The following TTC33 variants were observed in gnomAD, a reference collection of about 807,000 sequenced individuals.
TTC33 encodes the protein tetratricopeptide repeat protein 33.
Under a neutral mutation model 29.4 loss-of-function variants are expected in TTC33, and 24 were observed. That is an observed-to-expected ratio of 0.82 (90% confidence interval 0.59 to 1.15). The LOEUF (loss-of-function observed/expected upper bound fraction) is 1.15, where lower values mean the gene tolerates loss of function less well. TTC33 is among the 50% of genes most tolerant of loss of function. The pLI is 0.00. For missense variants in TTC33, 286 were observed against 310.4 expected (o/e 0.92, Z 0.59); for synonymous variants, 107 against 100.3 (o/e 1.07, Z -0.40).
At chr5:40,753,193 C>T (rs570061691) in intron 1 of TTC33, among the ~76,000 whole-genome samples, 11 of 151,800 alleles carry the variant, frequency 7.2e-5, no homozygotes, top group Admixed American at 2.6e-4. Flanking sequence ...GGTGAAACCC[C>T]GTCTCTACAA....
intron 2 of TTC33, among the ~76,000 whole-genome samples, chr5:40,735,624 G>A (rs1742532282): frequency 6.6e-6 from 1 of 152,158 alleles, no homozygotes; most frequent in Non-Finnish European, 1.5e-5. Flanking sequence ...TGTTAAGCTG[G>A]CAACAGCTCC....
intron 3 of TTC33, among the ~76,000 whole-genome samples, chr5:40,728,947 C>T (rs1394936039): frequency 1.3e-5 from 2 of 152,072 alleles, no homozygotes; most frequent in Non-Finnish European, 2.9e-5. Flanking sequence ...CATTTCAAAC[C>T]ATACATACTA....
At chr5:40,736,464 C>T (rs1742553311) in intron 2 of TTC33, among the ~76,000 whole-genome samples, 2 of 152,130 alleles carry the variant, frequency 1.3e-5, no homozygotes, top group South Asian at 4.1e-4. Flanking sequence ...GTTAGCTAGA[C>T]AGTCAAATAT....
intron 4 of TTC33, among the ~76,000 whole-genome samples, chr5:40,726,575 C>A: frequency 6.7e-6 from 1 of 148,858 alleles, no homozygotes. Context: ...TTCAATTCTT[C>A]TAAGAATTTC....
intron 2 of TTC33, among the ~76,000 whole-genome samples, chr5:40,746,255 G>T (rs1426211303): frequency 6.6e-6 from 1 of 152,008 alleles, no homozygotes; most frequent in Non-Finnish European, 1.5e-5. Context: ...AAAAGAAATG[G>T]GTGCATATAG....
chr5:40,734,627 C>A (rs966952769), intron 2 of TTC33, among the ~76,000 whole-genome samples: 6 of 152,204 alleles, frequency 3.9e-5, no homozygotes, highest in Non-Finnish European at 5.9e-5. Context: ...AGCTACTTTA[C>A]TCCCAATTAG....
At chr5:40,716,645 C>T (rs1176791275) in intron 4 of TTC33, 147 bp from the exon 5 acceptor site, 6 of 586,596 alleles carry the variant, frequency 1.0e-5, no homozygotes, top group East Asian at 2.9e-5. Context: ...ATGGAAGCTA[C>T]GGTGTTGCCC....
intron 2 of TTC33, among the ~76,000 whole-genome samples, chr5:40,735,550 G>T (rs946564183): frequency 6.6e-6 from 1 of 152,138 alleles, no homozygotes; most frequent in Non-Finnish European, 1.5e-5. Context: ...AGGATCCCAC[G>T]CAATCAAGAG....
chr5:40,746,598 T>A (rs1443003894), intron 2 of TTC33, among the ~76,000 whole-genome samples, 200 bp downstream of exon 2: 1 of 152,164 alleles, frequency 6.6e-6, no homozygotes, highest in Admixed American at 6.5e-5. Context: ...TTTTACAAAC[T>A]TTCATTGCAT....
chr5:40,747,063 T>TC (rs2111934200), intron 1 of TTC33, 44 bp from the exon 2 acceptor site: 2 of 388,724 alleles, frequency 5.1e-6, no homozygotes, highest in East Asian at 1.7e-4. Flanking sequence ...TAACTTGATC[T>TC]TTTTTTTTTT....
chr5:40,713,658 T>C lies in TTC33; in HGVS notation c.*2487A>G, dbSNP rs1579663962. Among the ~76,000 whole-genome samples, 3 of 152,332 alleles carry C rather than the reference T, an allele frequency of 2.0e-5. No individual in the cohort carries two copies. The highest frequency in any genetic ancestry group is 3.9e-4 in the East Asian group (2 of 5,194). On this transcript the variant is annotated 3_prime_UTR_variant, in exon 5 of 5. Coordinates refer to ENST00000337702, the MANE Select transcript of TTC33 (RefSeq NM_012382.3). ...TGTTATCAGGCATGGTCTGGATGTC[T>C]AGACACTCTGACTAATGAGTGTCTA...
intron 1 of TTC33, among the ~76,000 whole-genome samples, chr5:40,751,591 A>T (rs1415205414): frequency 1.3e-5 from 2 of 152,202 alleles, no homozygotes; most frequent in Non-Finnish European, 2.9e-5. Flanking sequence ...CTTTAAAGCC[A>T]AGCATTGACT....
At chr5:40,737,611 C>T (rs555818047) in intron 2 of TTC33, among the ~76,000 whole-genome samples, 4 of 152,170 alleles carry the variant, frequency 2.6e-5, no homozygotes, top group South Asian at 2.1e-4. Context: ...TATCAAAAAA[C>T]GTACCCACTT....
rs147021335 is a variant in TTC33 at position 40,747,594 on chromosome 5, A to G, written c.-1-575T>C. 5.2e-3 allele frequency among the ~76,000 whole-genome samples: 792 copies of G among 152,264 alleles called. 5 individuals are homozygous for G. Among genetic ancestry groups the G allele is most frequent in the African/African-American group, 0.018 (752 of 41,560 alleles). ...CCTGAGTCAGATCAGGCCTCTACCT[A>G]TAAGAAATACAGGATAAAGTGAAGC... On this transcript the variant is annotated intron_variant, in intron 1 of 4. Coordinates refer to ENST00000337702, the MANE Select transcript of TTC33 (RefSeq NM_012382.3).
rs763712116 is a variant in TTC33 at position 40,746,833 on chromosome 5, C to T, written c.186G>A (p.Leu62=). Residue 62 remains leucine, a synonymous_variant, in exon 2 of 5, where the codon CTG becomes CTA. Coordinates refer to ENST00000337702, the MANE Select transcript of TTC33 (RefSeq NM_012382.3). ...LEGCAEKSKQ[L]KDEGASLAEN... ...CAGCCAAACTGGCTCCTTCATCCTT[C>T]AGCTGTTTACTTTTCTCAGCACAGC... is the stretch of plus-strand genomic sequence containing the variant. The T allele has an allele frequency of 6.2e-7, 1 of 1,614,020 alleles. No homozygotes were observed. The highest frequency in any genetic ancestry group is 8.5e-7 in the Non-Finnish European group (1 of 1,179,986).
rs1008540357 is a variant in TTC33, at chr5:40,732,734, G to A, written c.222-2391C>T. ...AGCGATTCTCCTGCCTCAGCCCCCC[G>A]AGTGGCTGGGACTACAGGCACATGC... On this transcript the variant is annotated intron_variant, in intron 2 of 4. Coordinates refer to ENST00000337702, the MANE Select transcript of TTC33 (RefSeq NM_012382.3). 3.2e-4 allele frequency among the ~76,000 whole-genome samples: 48 copies of A among 151,782 alleles called. 1 individual carries two copies. Among genetic ancestry groups the A allele is most frequent in the Non-Finnish European group, 2.6e-4 (18 of 67,986 alleles).
intron 2 of TTC33, among the ~76,000 whole-genome samples, chr5:40,736,903 C>T (rs1411382861): frequency 6.6e-6 from 1 of 152,154 alleles, no homozygotes; most frequent in Non-Finnish European, 1.5e-5. Flanking sequence ...TATACCATCT[C>T]TATTAAGCAC....
rs752808372 is a variant in TTC33 at position 40,746,937 on chromosome 5, C to T, written c.82G>A (p.Asp28Asn). ...TCGTTGTCAACTACATCCTTCTCAT[C>T]AGCAGCTTCAGCTTCAAACTGCTGG... ...TSQQFEAEAA[D>N]EKDVVDNDEG... The change falls in exon 2 of 5, where the codon GAT (aspartate) becomes AAT (asparagine). Residue 28 changes from aspartate (D) to asparagine (N), a missense_variant. Asp to Asn is a conservative substitution (Grantham distance 23). Coordinates refer to ENST00000337702, the MANE Select transcript of TTC33 (RefSeq NM_012382.3). 6.2e-7 allele frequency: 1 copy of T among 1,614,244 alleles called. No homozygotes were observed. Among genetic ancestry groups the T allele is most frequent in the Non-Finnish European group, 8.5e-7 (1 of 1,180,044 alleles).
At chr5:40,750,168 C>T (rs1742868397) in intron 1 of TTC33, among the ~76,000 whole-genome samples, 1 of 151,816 alleles carries the variant, frequency 6.6e-6, no homozygotes, top group African/African-American at 2.4e-5. Context: ...GAACCTTCAG[C>T]AAGTCCTAAT....
Sources: gnomAD v4.1 joint callset for allele counts (sites outside exome capture counted in the v4.1 genomes callset) on GRCh38, gnomAD v4.1.1 for gene constraint, MANE v1.5 for transcripts, NCBI Gene and HGNC (gene_info 2026-07-23, HGNC 2026-07-21) for gene names.